AVIL: variants seen among roughly 807,000 people sequenced by gnomAD.
AVIL encodes the protein advillin.
Under a neutral mutation model 109.9 loss-of-function variants are expected in AVIL, and 78 were observed. The observed-to-expected ratio is 0.71, with a 90% confidence interval of 0.59 to 0.86. The LOEUF (loss-of-function observed/expected upper bound fraction) is 0.86. AVIL is among the 40% of genes least tolerant of loss of function. The pLI, the probability that AVIL is intolerant of heterozygous loss-of-function variation, is 0.00. For synonymous variants in AVIL, 367 were observed against 379.1 expected (o/e 0.97, Z 0.37); for missense variants, 892 against 1,016.5 (o/e 0.88, Z 1.67).
chr12:57,806,274 A>G, intron 14 of AVIL, 86 bp downstream of exon 14: 2 of 1,475,038 alleles, frequency 1.4e-6, no homozygotes, highest in Non-Finnish European at 1.9e-6. Context: ...AGCCTACTCT[A>G]GGTCCTTTGA....
At chr12:57,810,230 TAAG>T (rs914630801) in intron 7 of AVIL, 116 bp downstream of exon 7, 3 of 1,106,320 alleles carry the variant, frequency 2.7e-6, no homozygotes. Flanking sequence ...TGAAAAGGAC[TAAG>T]AAGAAAACCA....
chr12:57,802,333 C>T lies in AVIL; in HGVS notation c.1978G>A (p.Gly660Arg). 6.2e-7 allele frequency: 1 copy of T among 1,612,022 alleles called. No homozygotes were observed. Among genetic ancestry groups the T allele is most frequent in the East Asian group, 2.2e-5 (1 of 44,848 alleles). The change falls in exon 17 of 20, where the codon GGG (glycine) becomes AGG (arginine). Residue 660 changes from glycine (G) to arginine (R), a missense_variant. Coordinates refer to ENST00000549994, the MANE Select transcript of AVIL (RefSeq NM_006576.4). ...TTCTCCGTGGCATTGGCCTCAGCCC[C>T]AATCCACAAGAACACCTGTTAAGGT... ...DTWDQVFLWI[G>R]AEANATEKES...
chr12:57,810,172 A>C (rs1214250778), intron 7 of AVIL, among the ~76,000 whole-genome samples, 177 bp downstream of exon 7: 2 of 152,158 alleles, frequency 1.3e-5, no homozygotes, highest in African/African-American at 2.4e-5. Flanking sequence ...TGCTAACAAG[A>C]ACTGCCTCCT....
rs368466045 is a variant in AVIL at position 57,815,855 on chromosome 12, C to T, written c.66+120G>A. The T allele has an allele frequency of 4.5e-6, 7 of 1,557,162 alleles. No homozygotes were observed. The East Asian group carries it at 1.7e-4, about 37-fold the overall frequency. ...GGAAATAGGTACTTTGATGCTGCCT[C>T]TCATTCTCCTCAAACCATAGGCTAA... On this transcript the variant is annotated intron_variant, in intron 2 of 19. Coordinates refer to ENST00000549994, the MANE Select transcript of AVIL (RefSeq NM_006576.4).
In AVIL at chr12:57,808,230, C is replaced by T. The variant is rs1213331982; in HGVS notation, c.1158G>A (p.Gln386=). 2 of 1,614,206 alleles carry T rather than the reference C, an allele frequency of 1.2e-6. No homozygotes were observed. The highest frequency in any genetic ancestry group is 1.7e-6 in the Non-Finnish European group (2 of 1,180,050). The stretch of plus-strand genomic sequence containing the variant: ...CGTTGCCATCATCGACCATTCTTTC[C>T]TGGGCAGCTACCTCTGGCTTGGTGT... ...LLHTKPEVAA[Q]ERMVDDGNGK... Residue 386 remains glutamine, a synonymous_variant, in exon 11 of 20, where the codon CAG becomes CAA. Coordinates refer to ENST00000549994, the MANE Select transcript of AVIL (RefSeq NM_006576.4).
chr12:57,806,588 A>G (rs762907011), intron 13 of AVIL, 49 bp from the exon 14 acceptor site: 49 of 1,597,618 alleles, frequency 3.1e-5, no homozygotes, highest in African/African-American at 5.4e-5. Flanking sequence ...CCATGTGAGC[A>G]GAGTGCTAGA....
chr12:57,817,304 T>G (rs140956782), intron 1 of AVIL, among the ~76,000 whole-genome samples: 7 of 151,384 alleles, frequency 4.6e-5, no homozygotes, highest in African/African-American at 1.7e-4. Flanking sequence ...AAGAGGAACA[T>G]GTCTGACCAT....
chr12:57,809,479 C>A (rs780587771), intron 9 of AVIL, 118 bp downstream of exon 9: 1 of 1,180,228 alleles, frequency 8.5e-7, no homozygotes, highest in Non-Finnish European at 1.2e-6. Context: ...ACTTTGCAGT[C>A]CATGTACGTA....
intron 18 of AVIL, 49 bp from the exon 19 acceptor site, chr12:57,799,969 G>A (rs765987266): frequency 1.6e-5 from 26 of 1,606,812 alleles, no homozygotes; most frequent in Non-Finnish European, 2.0e-5. Flanking sequence ...CTCAGTGTCT[G>A]TGTGGTTACA....
At position 57,797,953 on chromosome 12, in the gene AVIL, T is replaced by C; in HGVS notation, c.2389A>G (p.Thr797Ala). The stretch of plus-strand genomic sequence containing the variant: ...GGCAGAGCTGCAAATTGCCCTCTTG[T>C]GATGCCAAACACAGACACAAAGTCC... ...EQDFVSVFGI[T>A]RGQFAALPGW... Residue 797 changes from threonine (T) to alanine (A), a missense_variant, in exon 20 of 20, where the codon ACA (threonine) becomes GCA (alanine). Coordinates refer to ENST00000549994, the MANE Select transcript of AVIL (RefSeq NM_006576.4). The C allele has an allele frequency of 6.2e-7, 1 of 1,613,358 alleles. No individual in the cohort carries two copies. The highest frequency in any genetic ancestry group is 1.7e-4 in the Middle Eastern group (1 of 6,060).
chr12:57,802,061 G>T, intron 17 of AVIL, 99 bp downstream of exon 17: 1 of 1,378,106 alleles, frequency 7.3e-7, no homozygotes. Flanking sequence ...TGAGGTCCTG[G>T]TTTCACTGAG....
At position 57,808,508 on chromosome 12, in the gene AVIL, A is replaced by G. The variant is rs374677661; in HGVS notation, c.980T>C (p.Val327Ala). The G allele has an allele frequency of 2.5e-6, 4 of 1,614,028 alleles. No homozygotes were observed. The highest frequency in any genetic ancestry group is 2.5e-6 in the Non-Finnish European group (3 of 1,180,040). The change falls in exon 10 of 20, where the codon GTG (valine) becomes GCG (alanine). Residue 327 changes from valine (V) to alanine (A), a missense_variant. Val to Ala is a moderately conservative substitution (Grantham distance 64, BLOSUM62 0). Transcript: ENST00000549994. The part of the protein sequence containing the change: ...KMKSYPSSTN[V>A]ETVNDGAESA... ...CTCAGCACCATCGTTGACGGTCTCC[A>G]CATTGGTGCTGCTGGGGTAGCTCTT...
Position 57,797,494 on chromosome 12 carries a change from A to G in AVIL, c.*388T>C. On this transcript the variant is annotated 3_prime_UTR_variant, in exon 20 of 20. Coordinates refer to ENST00000549994, the MANE Select transcript of AVIL (RefSeq NM_006576.4). ...ATGATTTCAATGATTTACAGGCTAAATAGATTTTAGAAATAATCATCTTAA... is the reference window on the plus strand; with the variant it reads ...ATGATTTCAATGATTTACAGGCTAAGTAGATTTTAGAAATAATCATCTTAA... 1 of 978,852 alleles carries G rather than the reference A, an allele frequency of 1.0e-6. No individual in the cohort carries two copies. Among genetic ancestry groups the G allele is most frequent in the Non-Finnish European group, 1.2e-6 (1 of 823,826 alleles). 60.6% of individuals were successfully genotyped at this position (978,852 alleles called of 1,614,324 possible).
chr12:57,815,087 G>T (rs1956084415), intron 2 of AVIL, among the ~76,000 whole-genome samples: 1 of 152,124 alleles, frequency 6.6e-6, no homozygotes, highest in Non-Finnish European at 1.5e-5. Flanking sequence ...TGAGTAGCTG[G>T]GACTATAGGC....
chr12:57,816,723 T>TTA (rs1216027865), intron 1 of AVIL, among the ~76,000 whole-genome samples: 2 of 144,748 alleles, frequency 1.4e-5, no homozygotes, highest in Non-Finnish European at 3.0e-5. Flanking sequence ...TTTTTTTTTT[T>TTA]TTAGAGTAAA....
chr12:57,804,503 G>C (rs1037533541), intron 14 of AVIL: 1 of 152,224 alleles, frequency 6.6e-6, no homozygotes, highest in Non-Finnish European at 1.5e-5. Flanking sequence ...TACGGTAAGT[G>C]TATGTTTAAC....
rs112580235 is a variant in AVIL, at chr12:57,816,138, T to C, written c.-19-79A>G. 2.4e-5 allele frequency: 30 copies of C among 1,231,398 alleles called. No homozygotes were observed. In the African/African-American group the frequency reaches 3.8e-4, roughly 15 times the overall value. 76.3% of individuals were successfully genotyped at this position (1,231,398 alleles called of 1,614,324 possible). A position where few individuals can be genotyped will look rare whatever the true frequency, so the allele number is the denominator to read the frequency against. On this transcript the variant is annotated intron_variant, in intron 1 of 19. Transcript: ENST00000549994. The stretch of plus-strand genomic sequence containing the variant: ...CAATCCAGTTTTTCTGCCGAGCTGC[T>C]TCCCAGTCTGTTGTCAGCCATCCTG...
chr12:57,816,922 C>G (rs1184401489), intron 1 of AVIL, among the ~76,000 whole-genome samples: 3 of 151,858 alleles, frequency 2.0e-5, no homozygotes, highest in African/African-American at 7.3e-5. Flanking sequence ...ACCCAAGCTT[C>G]TGTGTGGAAG....
chr12:57,815,846 A>C, intron 2 of AVIL, 129 bp downstream of exon 2: 1 of 1,545,820 alleles, frequency 6.5e-7, no homozygotes, highest in Non-Finnish European at 8.7e-7. Flanking sequence ...AGGTACTTTG[A>C]TGCTGCCTCT....
Sources: allele counts gnomAD v4.1 joint callset (sites outside exome capture counted in the v4.1 genomes callset), GRCh38; gene constraint gnomAD v4.1.1; transcripts MANE v1.5; gene names NCBI Gene and HGNC (gene_info 2026-07-23, HGNC 2026-07-21).